TRPC6: variants seen among roughly 807,000 people sequenced by gnomAD.
The protein encoded by TRPC6 is transient receptor potential cation channel subfamily C member 6.
A neutral mutation model predicts 90.7 loss-of-function variants in TRPC6; 55 were observed. The observed-to-expected ratio is 0.61, with a 90% CI of 0.49 to 0.76. TRPC6 has a LOEUF of 0.76. Ranked by LOEUF, TRPC6 falls within the 30% of genes least tolerant of loss-of-function variation. TRPC6 has a pLI of 0.00. For synonymous variants in TRPC6, 393 were observed against 393.0 expected, an observed-to-expected ratio of 1.00 and a Z score of 0.00; for missense variants, 989 against 1,122.7, an observed-to-expected ratio of 0.88 and a Z score of 1.70.
chr11:101,497,460 T>A (rs555256640), intron 2 of TRPC6, among the ~76,000 whole-genome samples: 9 of 152,194 alleles, frequency 5.9e-5, no homozygotes, highest in Non-Finnish European at 1.2e-4. Context: ...ATGCCAAGCA[T>A]TTTTTGAATA....
At chr11:101,551,479 CAAA>C (rs1325331145) in intron 1 of TRPC6, among the ~76,000 whole-genome samples, 1 of 151,444 alleles carries the variant, frequency 6.6e-6, no homozygotes, top group Non-Finnish European at 1.5e-5. Flanking sequence ...TAACTTAATA[CAAA>C]TTATTCTACT....
intron 10 of TRPC6, among the ~76,000 whole-genome samples, chr11:101,468,953 A>C (rs552080381): frequency 6.6e-6 from 1 of 152,188 alleles, no homozygotes; most frequent in African/African-American, 2.4e-5. Flanking sequence ...CTCTCAGTGA[A>C]GGAGCTGATA....
At chr11:101,533,621 G>C (rs931565509) in intron 1 of TRPC6, among the ~76,000 whole-genome samples, 3 of 152,182 alleles carry the variant, frequency 2.0e-5, no homozygotes, top group Non-Finnish European at 4.4e-5. Context: ...CAGGTTCAGG[G>C]AGTCATAGCA....
At chr11:101,532,623 TA>T (rs1001554207) in intron 1 of TRPC6, among the ~76,000 whole-genome samples, 2 of 152,096 alleles carry the variant, frequency 1.3e-5, no homozygotes, top group African/African-American at 4.8e-5. Context: ...GCAACTCCTG[TA>T]AAGAGAAGAG....
rs1335189433 is a variant in TRPC6 at position 101,471,389 on chromosome 11, A to G, written c.2206-3T>C. 6.2e-7 allele frequency: 1 copy of G among 1,613,714 alleles called. No individual in the cohort carries two copies. Among genetic ancestry groups the G allele is most frequent in the South Asian group, 1.1e-5 (1 of 91,062 alleles). On this transcript the variant is annotated splice_polypyrimidine_tract_variant and splice_region_variant and intron_variant, in intron 8 of 12. Transcript: ENST00000344327. ...TTCCACTCCACATCAGCGTCATCCT[A>G]TACAAATACACATGACAGTTCAGCA...
rs1442363581 is a variant in TRPC6 at position 101,452,182 on chromosome 11, T to A, written c.*773A>T. The A allele has an allele frequency of 1.3e-5, 2 of 152,106 alleles. No individual in the cohort carries two copies. Among genetic ancestry groups the A allele is most frequent in the Admixed American group, 6.6e-5 (1 of 15,266 alleles). 9.4% of individuals were successfully genotyped at this position (152,106 alleles called of 1,614,324 possible). A position where few individuals can be genotyped will look rare whatever the true frequency, so the allele number is the denominator to read the frequency against. Reference sequence around the variant, plus strand: ...AAGGTACTTATTTAGACAGTAAAATTTTTTAGTGACAATAAAAATTTATAA... The same window carrying A: ...AAGGTACTTATTTAGACAGTAAAATATTTTAGTGACAATAAAAATTTATAA... On this transcript the variant is annotated 3_prime_UTR_variant, in exon 13 of 13. Transcript: ENST00000344327.
intron 7 of TRPC6, among the ~76,000 whole-genome samples, chr11:101,472,604 C>T (rs896768539): frequency 6.6e-6 from 1 of 152,114 alleles, no homozygotes; most frequent in Admixed American, 6.6e-5. Context: ...AATTTCATAA[C>T]CACAGATATG....
At chr11:101,538,245 A>G (rs1861096032) in intron 1 of TRPC6, among the ~76,000 whole-genome samples, 1 of 151,840 alleles carries the variant, frequency 6.6e-6, no homozygotes, top group African/African-American at 2.4e-5. Flanking sequence ...TTGCTCTTAC[A>G]TCATCTTTTT....
intron 2 of TRPC6, among the ~76,000 whole-genome samples, chr11:101,494,698 T>A (rs1032653216): frequency 6.6e-6 from 1 of 152,212 alleles, no homozygotes; most frequent in Non-Finnish European, 1.5e-5. Context: ...AACACTTTTT[T>A]AAAGCAGAAC....
At chr11:101,558,218 T>C (rs7935659) in intron 1 of TRPC6, among the ~76,000 whole-genome samples, 5,948 of 54,570 alleles carry the variant, frequency 0.11, 894 homozygotes, top group African/African-American at 0.17. Context: ...TACATGTATA[T>C]ATGTATACAT....
intron 1 of TRPC6, among the ~76,000 whole-genome samples, chr11:101,518,941 G>A (rs1289934275): frequency 6.6e-6 from 1 of 152,186 alleles, no homozygotes; most frequent in Non-Finnish European, 1.5e-5. Context: ...GCCAGGTACG[G>A]AAAGACAAGC....
At chr11:101,470,244 C>T (rs188034369) in intron 9 of TRPC6, among the ~76,000 whole-genome samples, 121 of 152,242 alleles carry the variant, frequency 7.9e-4, no homozygotes, top group African/African-American at 2.8e-3. Flanking sequence ...GCTCTTATAT[C>T]GAATTAAAAT....
At chr11:101,477,919 T>C (rs1859452478) in intron 5 of TRPC6, among the ~76,000 whole-genome samples, 1 of 152,228 alleles carries the variant, frequency 6.6e-6, no homozygotes, top group Non-Finnish European at 1.5e-5. Flanking sequence ...GCTTTATCCC[T>C]ATTAAGATAC....
At chr11:101,557,977 A>G (rs189904046) in intron 1 of TRPC6, among the ~76,000 whole-genome samples, 27 of 152,274 alleles carry the variant, frequency 1.8e-4, no homozygotes, top group African/African-American at 6.3e-4. Flanking sequence ...TACAGATTCA[A>G]TGCAATCCTT....
chr11:101,473,433 G>GACTT, intron 7 of TRPC6, 76 bp downstream of exon 7: 1 of 1,526,706 alleles, frequency 6.6e-7, no homozygotes, highest in Non-Finnish European at 9.0e-7. Flanking sequence ...TTATCCCATG[G>GACTT]ACTTACATAA....
At position 101,482,974 on chromosome 11, in the gene TRPC6, C is replaced by G. The variant is rs1470342821; in HGVS notation, c.1485G>C (p.Glu495Asp). 1.9e-6 allele frequency: 3 copies of G among 1,613,878 alleles called. No individual in the cohort carries two copies. The African/African-American group carries it at 4.0e-5, about 22-fold the overall frequency. The part of the protein sequence containing the change: ...RMKTSCFSWM[E>D]MLIISWVIGM... ...CTATTACCCAGGATATAATGAGCAT[C>G]TCCATCCATGAGAAGCAGGATGTTT... Residue 495 changes from glutamate to aspartate, a missense_variant, in exon 5 of 13, where the codon GAG (glutamate) becomes GAC (aspartate). Glu to Asp is a conservative substitution (Grantham distance 45). This residue lies in a region of TRPC6 where 486 missense variants were observed against 591.9 expected (regional missense o/e 0.82). Transcript: ENST00000344327.
intron 5 of TRPC6, among the ~76,000 whole-genome samples, chr11:101,477,514 T>C (rs1859444250): frequency 6.6e-6 from 1 of 152,206 alleles, no homozygotes; most frequent in African/African-American, 2.4e-5. Context: ...AACTTATTAA[T>C]AGTAGTTGTC....
intron 1 of TRPC6, among the ~76,000 whole-genome samples, chr11:101,547,651 A>C (rs1319298364): frequency 6.6e-6 from 1 of 152,214 alleles, no homozygotes; most frequent in Non-Finnish European, 1.5e-5. Flanking sequence ...ATAAGTTATC[A>C]GAAATTTTGT....
intron 1 of TRPC6, among the ~76,000 whole-genome samples, chr11:101,568,127 G>C (rs1297940927): frequency 6.6e-6 from 1 of 152,098 alleles, no homozygotes; most frequent in Admixed American, 6.5e-5. Flanking sequence ...CTTGAAAAAA[G>C]GCTAGAAGAA....
Sources: allele counts gnomAD v4.1 joint callset (sites outside exome capture counted in the v4.1 genomes callset), GRCh38; gene constraint gnomAD v4.1.1; regional missense constraint gnomAD v4.1.1; transcripts MANE v1.5; gene names NCBI Gene and HGNC (gene_info 2026-07-23, HGNC 2026-07-21).